PCED1B: variants seen among roughly 807,000 people sequenced by gnomAD.
PCED1B encodes the protein PC-esterase domain-containing protein 1B.
For missense variants in PCED1B, 573 were observed against 573.9 expected (o/e 1.00, Z 0.02); for synonymous variants, 251 against 246.1 (o/e 1.02, Z -0.19).
chr12:47,142,686 T>C (rs1592195199), intron 2 of PCED1B, among the ~76,000 whole-genome samples: 3 of 150,998 alleles, frequency 2.0e-5, no homozygotes, highest in African/African-American at 7.3e-5. Flanking sequence ...AAAAAATCAG[T>C]AGAGAGCTTC....
chr12:47,085,683 A>G (rs920935896), intron 1 of PCED1B, among the ~76,000 whole-genome samples: 2 of 152,242 alleles, frequency 1.3e-5, no homozygotes, highest in African/African-American at 4.8e-5. Flanking sequence ...TGGTATGCAT[A>G]GATAATCAAA....
intron 2 of PCED1B, among the ~76,000 whole-genome samples, chr12:47,169,930 G>A (rs1360533289): frequency 2.0e-5 from 3 of 148,102 alleles, no homozygotes; most frequent in Non-Finnish European, 3.0e-5. Flanking sequence ...ATCATTCTTG[G>A]GTGTTTCTCG....
intron 2 of PCED1B, among the ~76,000 whole-genome samples, chr12:47,186,234 A>C (rs1942261842): frequency 6.6e-6 from 1 of 151,966 alleles, no homozygotes; most frequent in Admixed American, 6.6e-5. Context: ...AAGAAAAAAA[A>C]AAAGAACTTG....
At chr12:47,192,170 T>G (rs1043760676) in intron 2 of PCED1B, among the ~76,000 whole-genome samples, 18 of 151,152 alleles carry the variant, frequency 1.2e-4, no homozygotes, top group South Asian at 2.1e-4. Flanking sequence ...GCTTTTTTTT[T>G]TTGTTTTTTT....
intron 2 of PCED1B, among the ~76,000 whole-genome samples, chr12:47,170,469 G>A (rs1016956527): frequency 7.4e-5 from 11 of 149,600 alleles, no homozygotes; most frequent in African/African-American, 2.4e-4. Context: ...CAGGGCAACC[G>A]GGCAGAGGCG....
intron 2 of PCED1B, among the ~76,000 whole-genome samples, chr12:47,167,876 A>C (rs1291598091): frequency 5.3e-5 from 8 of 152,174 alleles, no homozygotes; most frequent in Admixed American, 6.5e-5. Flanking sequence ...TGGGCAGGCC[A>C]ACATTGCTCT....
intron 1 of PCED1B, among the ~76,000 whole-genome samples, chr12:47,100,025 A>G (rs184395602): frequency 6.6e-6 from 1 of 152,272 alleles, no homozygotes; most frequent in Non-Finnish European, 1.5e-5. Flanking sequence ...ACTTGGAAAA[A>G]GGACCATTCT....
chr12:47,127,380 T>C (rs956632579), intron 2 of PCED1B, among the ~76,000 whole-genome samples: 8 of 150,548 alleles, frequency 5.3e-5, no homozygotes, highest in Non-Finnish European at 1.2e-4. Flanking sequence ...TTTTTTTTTT[T>C]TTTTTTGAGA....
intron 2 of PCED1B, among the ~76,000 whole-genome samples, chr12:47,202,127 G>A (rs957785375): frequency 3.3e-5 from 5 of 152,130 alleles, no homozygotes; most frequent in African/African-American, 1.2e-4. Flanking sequence ...TACTTATGAA[G>A]CATTCAGGCT....
At chr12:47,131,283 C>T (rs554827265) in intron 2 of PCED1B, among the ~76,000 whole-genome samples, 2 of 152,308 alleles carry the variant, frequency 1.3e-5, no homozygotes, top group African/African-American at 4.8e-5. Flanking sequence ...TTCACCCGCC[C>T]ACTCCAATCC....
rs1012656776 is a variant in PCED1B at position 47,216,767 on chromosome 12, T to A, written c.-58+78T>A. The A allele has an allele frequency of 7.2e-5, 11 of 152,388 alleles. No individual in the cohort carries two copies. In the East Asian group the frequency reaches 2.1e-3, roughly 29 times the overall value. 9.4% of individuals were successfully genotyped at this position (152,388 alleles called of 1,614,324 possible). On this transcript the variant is annotated intron_variant, in intron 3 of 3. Coordinates refer to ENST00000546455, the MANE Select transcript of PCED1B (RefSeq NM_138371.3). ...TGACCAGCCTTTCTTGAGACCATCA[T>A]TTTTTGGGCACTTACTGTAGACAGG...
At chr12:47,155,220 A>C (rs1941153670) in intron 2 of PCED1B, among the ~76,000 whole-genome samples, 1 of 152,232 alleles carries the variant, frequency 6.6e-6, no homozygotes, top group African/African-American at 2.4e-5. Flanking sequence ...AACCAAAGTA[A>C]AATGTTCCAT....
intron 2 of PCED1B, among the ~76,000 whole-genome samples, chr12:47,117,761 A>C (rs1186361727): frequency 6.6e-6 from 1 of 152,194 alleles, no homozygotes; most frequent in Non-Finnish European, 1.5e-5. Context: ...TAGATCCTTG[A>C]GGAATCGCCA....
At chr12:47,216,026 C>T (rs1466791434) in intron 2 of PCED1B, 196 bp from the exon 3 acceptor site, 2 of 152,080 alleles carry the variant, frequency 1.3e-5, no homozygotes, top group Non-Finnish European at 2.9e-5. Context: ...GCACTCCAGC[C>T]TGGGCAACAA....
At chr12:47,195,186 G>A (rs920461956) in intron 2 of PCED1B, among the ~76,000 whole-genome samples, 3 of 151,988 alleles carry the variant, frequency 2.0e-5, no homozygotes, top group African/African-American at 4.8e-5. Flanking sequence ...AAAATCAGCC[G>A]AGCATGGTGG....
At chr12:47,134,178 A>T (rs1160397546) in intron 2 of PCED1B, among the ~76,000 whole-genome samples, 1 of 152,232 alleles carries the variant, frequency 6.6e-6, no homozygotes, top group Non-Finnish European at 1.5e-5. Context: ...ACATTCCATG[A>T]CATCATGGGC....
At chr12:47,125,762 C>T (rs551977218) in intron 2 of PCED1B, among the ~76,000 whole-genome samples, 224 of 152,106 alleles carry the variant, frequency 1.5e-3, no homozygotes, top group African/African-American at 4.8e-3. Context: ...TATTTTGATG[C>T]TATTATAAAG....
chr12:47,217,155 CA>C (rs1943283999), intron 3 of PCED1B, among the ~76,000 whole-genome samples: 1 of 152,038 alleles, frequency 6.6e-6, no homozygotes, highest in African/African-American at 2.4e-5. Flanking sequence ...GTAATCCAAG[CA>C]CTTTGGAAGG....
chr12:47,109,443 C>T (rs1370523584), intron 2 of PCED1B, among the ~76,000 whole-genome samples: 1 of 151,692 alleles, frequency 6.6e-6, no homozygotes, highest in African/African-American at 2.4e-5. Flanking sequence ...CTCTATCTTA[C>T]ACCTGCCTGG....
Sources: gnomAD v4.1 joint callset for allele counts (sites outside exome capture counted in the v4.1 genomes callset) on GRCh38, gnomAD v4.1.1 for gene constraint, MANE v1.5 for transcripts, NCBI Gene and HGNC (gene_info 2026-07-23, HGNC 2026-07-21) for gene names.